The following FHDC1 variants were observed in gnomAD, a reference collection of about 807,000 sequenced individuals.
FHDC1 encodes FH2 domain containing 1, also known as FH2 domain-containing protein 1.
A neutral mutation model predicts 52.6 loss-of-function variants in FHDC1; 25 were observed. The observed-to-expected ratio is 0.48, with a 90% CI of 0.35 to 0.66. FHDC1 has a LOEUF of 0.66. Among genes scored for constraint, FHDC1 ranks in the 30% least tolerant of loss-of-function variants. The pLI is 0.01. For synonymous variants in FHDC1, 616 were observed against 581.5 expected, an observed-to-expected ratio of 1.06 and a Z score of -0.85; for missense variants, 1,459 against 1,452.8, an observed-to-expected ratio of 1.00 and a Z score of -0.07.
intron 6 of FHDC1, among the ~76,000 whole-genome samples, chr4:152,961,304 G>A (rs1740273790): frequency 6.6e-6 from 1 of 152,172 alleles, no homozygotes; most frequent in Non-Finnish European, 1.5e-5. Context: ...GGTCAACCGT[G>A]TGACTCTTCT....
At chr4:152,974,485 TACACACACACACATGCGTAC>T (rs1740774491) in intron 11 of FHDC1, among the ~76,000 whole-genome samples, 170 bp from the exon 12 acceptor site, 1 of 151,734 alleles carries the variant, frequency 6.6e-6, no homozygotes. Context: ...ACCCTCCCTC[TACACACACACACATGCGTAC>T]ACACACACAC....
chr4:152,941,367 T>C (rs775639898), intron 1 of FHDC1, among the ~76,000 whole-genome samples: 1 of 152,322 alleles, frequency 6.6e-6, no homozygotes, highest in Non-Finnish European at 1.5e-5. Flanking sequence ...AAAGCAAATG[T>C]AATGCCTGTG....
intron 4 of FHDC1, 78 bp downstream of exon 4, chr4:152,954,397 A>C: frequency 1.4e-4 from 171 of 1,221,802 alleles, no homozygotes; most frequent in Middle Eastern, 5.7e-4. Context: ...GTCAAAGCTC[A>C]CATGGAAGGC....
the FHDC1 span, among the ~76,000 whole-genome samples, chr4:152,921,604 CCCTCCCTT>C: frequency 1.4e-5 from 2 of 141,282 alleles, no homozygotes; most frequent in African/African-American, 5.2e-5. Context: ...CTCCCTCCCT[CCCTCCCTT>C]CCTCCCTTTT....
At chr4:152,944,440 T>C (rs747048828) in intron 2 of FHDC1, among the ~76,000 whole-genome samples, 2 of 151,908 alleles carry the variant, frequency 1.3e-5, no homozygotes, top group Non-Finnish European at 2.9e-5. Flanking sequence ...ACAACAGAAA[T>C]TCATCATTTA....
At chr4:152,966,893 G>C (rs1740478091) in intron 9 of FHDC1, among the ~76,000 whole-genome samples, 1 of 152,214 alleles carries the variant, frequency 6.6e-6, no homozygotes, top group South Asian at 2.1e-4. Flanking sequence ...GCCAAGGCAG[G>C]AAGACTGCTT....
chr4:152,958,637 A>G (rs946035936), intron 4 of FHDC1, among the ~76,000 whole-genome samples: 2 of 152,184 alleles, frequency 1.3e-5, no homozygotes, highest in East Asian at 1.9e-4. Flanking sequence ...CCATGCTGTG[A>G]TTTTCAGAGG....
At chr4:152,951,932 A>G (rs1052792545) in intron 2 of FHDC1, among the ~76,000 whole-genome samples, 6 of 152,196 alleles carry the variant, frequency 3.9e-5, no homozygotes, top group African/African-American at 1.2e-4. Flanking sequence ...CTACAGCTCA[A>G]TCTGGGTTTT....
At chr4:152,937,725 C>A (rs1396535934) in intron 1 of FHDC1, among the ~76,000 whole-genome samples, 2 of 152,014 alleles carry the variant, frequency 1.3e-5, no homozygotes, top group African/African-American at 4.8e-5. Flanking sequence ...ACCGGCGCCC[C>A]ACCCTCGCGC....
At chr4:152,969,251 G>A (rs1409648066) in intron 10 of FHDC1, among the ~76,000 whole-genome samples, 1 of 152,226 alleles carries the variant, frequency 6.6e-6, no homozygotes, top group East Asian at 1.9e-4. Flanking sequence ...GCCAGCTGAA[G>A]CCTTCGCTTC....
intron 8 of FHDC1, 110 bp downstream of exon 8, chr4:152,963,240 C>A: frequency 1.1e-6 from 1 of 886,332 alleles, no homozygotes; most frequent in Non-Finnish European, 1.8e-6. Context: ...AAGGGCATGG[C>A]AAGTTCCAAG....
rs867920226 is a variant in FHDC1 at position 152,962,968 on chromosome 4, T to G, written c.922-55T>G. On this transcript the variant is annotated intron_variant, in intron 7 of 11. Transcript: ENST00000511601. Reference sequence around the variant, plus strand: ...GTGTGTGTGTGTGTGTGTGTGTGTGTGTGTGTGTGTGTGTATGTATACATA... The same window carrying G: ...GTGTGTGTGTGTGTGTGTGTGTGTGGGTGTGTGTGTGTGTATGTATACATA... 81 of 1,524,714 alleles carry G rather than the reference T, an allele frequency of 5.3e-5. No homozygotes were observed. In the Middle Eastern group the frequency reaches 6.8e-4, roughly 13 times the overall value. The allele number at this position is 1,524,714 out of a possible 1,614,324, so 94.4% of individuals were successfully genotyped here. A position where few individuals can be genotyped will look rare whatever the true frequency, so the allele number is the denominator to read the frequency against.
chr4:152,932,302 A>G (rs1739267235), upstream of FHDC1, among the ~76,000 whole-genome samples: 2 of 152,106 alleles, frequency 1.3e-5, no homozygotes, highest in Admixed American at 1.3e-4. Flanking sequence ...GGCCAGGCAC[A>G]GTGGCTCATG....
chr4:152,971,959 CT>C, intron 10 of FHDC1, among the ~76,000 whole-genome samples: 1 of 152,240 alleles, frequency 6.6e-6, no homozygotes, highest in East Asian at 1.9e-4. Flanking sequence ...GAGCGAGTAG[CT>C]TCAGGGACCC....
At chr4:152,930,310 C>T in the FHDC1 span, among the ~76,000 whole-genome samples, 4 of 152,180 alleles carry the variant, frequency 2.6e-5, no homozygotes, top group African/African-American at 9.6e-5. Flanking sequence ...TTGTAATGTA[C>T]AGATAAATTT....
At chr4:152,913,900 C>G in the FHDC1 span, among the ~76,000 whole-genome samples, 4 of 152,094 alleles carry the variant, frequency 2.6e-5, no homozygotes, top group Non-Finnish European at 5.9e-5. Flanking sequence ...AGGCTGGTCT[C>G]GAACTCCTGA....
intron 4 of FHDC1, among the ~76,000 whole-genome samples, chr4:152,960,129 A>T (rs574084467): frequency 1.5e-4 from 23 of 152,128 alleles, no homozygotes; most frequent in South Asian, 1.5e-3. Flanking sequence ...TCAAAATAAG[A>T]TTTTTTTCCG....
intron 6 of FHDC1, among the ~76,000 whole-genome samples, chr4:152,961,238 C>T (rs573305388): frequency 2.4e-4 from 4 of 16,784 alleles, no homozygotes; most frequent in South Asian, 0.083. Flanking sequence ...TCCTCCCTGT[C>T]GTGGCCTCTT....
rs142902459 is a variant in FHDC1 at position 152,974,683 on chromosome 4, C to T, written c.1392C>T (p.His464=). Residue 464 remains histidine (H), a synonymous_variant, in exon 12 of 12, where the codon CAC becomes CAT. Coordinates refer to ENST00000511601, the MANE Select transcript of FHDC1 (RefSeq NM_001371116.1). The part of the protein sequence containing the change: ...TKFNKAVKDN[H]DREAQELRQL... Reference sequence around the variant, plus strand: ...TTCTCTCCATCCCTCAGGACAACCACGACCGGGAGGCGCAGGAGCTGAGGC... The same window carrying T: ...TTCTCTCCATCCCTCAGGACAACCATGACCGGGAGGCGCAGGAGCTGAGGC... 458 of 1,509,884 alleles carry T rather than the reference C, an allele frequency of 3.0e-4. No individual in the cohort carries two copies. The African/African-American group carries it at 5.7e-3, about 19-fold the overall frequency. 93.5% of individuals were successfully genotyped at this position (1,509,884 alleles called of 1,614,324 possible).
Sources: allele counts gnomAD v4.1 joint callset (sites outside exome capture counted in the v4.1 genomes callset), GRCh38; gene constraint gnomAD v4.1.1; transcripts MANE v1.5; gene names NCBI Gene and HGNC (gene_info 2026-07-23, HGNC 2026-07-21).